Variants in DAG1 observed in about 807,000 individuals in gnomAD.
DAG1 encodes the protein dystroglycan 1 (dystrophin-associated glycoprotein 1).
A neutral mutation model predicts 46.1 loss-of-function variants in DAG1; 8 were observed. The observed-to-expected ratio is 0.17, with a 90% CI of 0.10 to 0.31. DAG1 has a LOEUF of 0.31. Among genes scored for constraint, DAG1 ranks in the 10% least tolerant of loss-of-function variants. The pLI is 1.00. For synonymous variants in DAG1, 495 were observed against 481.8 expected (o/e 1.03, Z -0.36); for missense variants, 1,003 against 1,189.9 (o/e 0.84, Z 2.31).
intron 1 of DAG1, among the ~76,000 whole-genome samples, chr3:49,508,858 C>T (rs1450091012): frequency 6.6e-6 from 1 of 152,200 alleles, no homozygotes; most frequent in African/African-American, 2.4e-5. Context: ...TTCTAAGCCT[C>T]ATTGTTACAG....
At chr3:49,529,645 G>A (rs1407067856) in intron 2 of DAG1, among the ~76,000 whole-genome samples, 1 of 152,226 alleles carries the variant, frequency 6.6e-6, no homozygotes, top group Non-Finnish European at 1.5e-5. Context: ...GATGTACTGT[G>A]TTTTGGCCAA....
At chr3:49,528,879 C>G (rs2051265343) in intron 2 of DAG1, among the ~76,000 whole-genome samples, 1 of 147,430 alleles carries the variant, frequency 6.8e-6, no homozygotes, top group African/African-American at 2.5e-5. Context: ...GAGATGGAGT[C>G]TCACTCTGTC....
At chr3:49,505,383 T>G (rs1485281533) in intron 1 of DAG1, among the ~76,000 whole-genome samples, 1 of 152,182 alleles carries the variant, frequency 6.6e-6, no homozygotes, top group African/African-American at 2.4e-5. Flanking sequence ...ATGCATAGTT[T>G]TCAGCATACA....
At position 49,533,136 on chromosome 3, in the gene DAG1, C is replaced by G; in HGVS notation, c.2625C>G (p.Gly875=). The change falls in exon 3 of 3, where the codon GGC becomes GGG. Residue 875 remains glycine, a synonymous_variant. Transcript: ENST00000308775. The part of the protein sequence containing the change: ...PPPPFTAPME[G]KGSRPKNMTP... ...CGCCCTTCACAGCACCCATGGAGGG[C>G]AAGGGCTCCCGTCCCAAGAACATGA... 6.2e-7 allele frequency: 1 copy of G among 1,614,168 alleles called. No homozygotes were observed. Among genetic ancestry groups the G allele is most frequent in the South Asian group, 1.1e-5 (1 of 91,090 alleles).
chr3:49,506,379 A>T (rs1436981435), intron 1 of DAG1, among the ~76,000 whole-genome samples: 1 of 152,214 alleles, frequency 6.6e-6, no homozygotes, highest in African/African-American at 2.4e-5. Context: ...TTCTGTTCTT[A>T]AGGATAAGTC....
chr3:49,486,646 G>T (rs1315726983), intron 1 of DAG1, among the ~76,000 whole-genome samples: 2 of 152,022 alleles, frequency 1.3e-5, no homozygotes, highest in African/African-American at 2.4e-5. Flanking sequence ...GGGATTACAG[G>T]TGTGCATCAC....
intron 1 of DAG1, among the ~76,000 whole-genome samples, chr3:49,499,516 T>C (rs1290992584): frequency 6.6e-6 from 1 of 152,248 alleles, no homozygotes; most frequent in African/African-American, 2.4e-5. Context: ...TGGTGCCCCA[T>C]GTGCATTTGT....
At chr3:49,522,283 C>A (rs2051051040) in intron 2 of DAG1, among the ~76,000 whole-genome samples, 1 of 151,932 alleles carries the variant, frequency 6.6e-6, no homozygotes, top group South Asian at 2.1e-4. Context: ...CCGCTCACCT[C>A]AGCCTCCCAA....
At chr3:49,501,434 G>T (rs2050447300) in intron 1 of DAG1, among the ~76,000 whole-genome samples, 1 of 152,210 alleles carries the variant, frequency 6.6e-6, no homozygotes, top group Admixed American at 6.5e-5. Context: ...GCACATATTA[G>T]TGATTGCAAC....
At position 49,470,280 on chromosome 3, in the gene DAG1, T is replaced by TGCTCGCGCGAAGGCTGCGGCGCGGC. The variant is rs1225565046; in HGVS notation, c.-261_-237dup. On this transcript the variant is annotated 5_prime_UTR_variant, in exon 1 of 3. Coordinates refer to ENST00000308775, the MANE Select transcript of DAG1 (RefSeq NM_004393.6). The stretch of plus-strand genomic sequence containing the variant: ...CAGCGCCCTCTCACCGCCCGGTACG[T>TGCTCGCGCGAAGGCTGCGGCGCGGC]GCTCGCGCGAAGGCTGCGGCGCGGC... 3.9e-5 allele frequency: 6 copies of TGCTCGCGCGAAGGCTGCGGCGCGGC among 152,000 alleles called. 1 individual carries two copies. The South Asian group carries it at 6.2e-4, about 16-fold the overall frequency. 9.4% of individuals were successfully genotyped at this position (152,000 alleles called of 1,614,324 possible).
chr3:49,473,969 G>A (rs1204444584), intron 1 of DAG1, among the ~76,000 whole-genome samples: 1 of 146,994 alleles, frequency 6.8e-6, no homozygotes, highest in South Asian at 2.2e-4. Flanking sequence ...CTGCAGCCTC[G>A]ACCAGCCTCC....
At position 49,532,426 on chromosome 3, in the gene DAG1, G is replaced by T; in HGVS notation, c.1915G>T (p.Asp639Tyr). 1 of 1,614,226 alleles carries T rather than the reference G, an allele frequency of 6.2e-7. No individual in the cohort carries two copies. Among genetic ancestry groups the T allele is most frequent in the Non-Finnish European group, 8.5e-7 (1 of 1,180,042 alleles). ...AAAGAAACTGGCCTTCGCCTTTGGA[G>T]ACCGAAACTGTAGCACCATCACCCT... ...LVKKLAFAFG[D>Y]RNCSTITLQN... The change falls in exon 3 of 3, where the codon GAC (aspartate) becomes TAC (tyrosine). Residue 639 changes from aspartate (D) to tyrosine (Y), a missense_variant. Transcript: ENST00000308775. This position sits in a 1 kb window ranked among gnomAD's most constrained non-coding sequence, Gnocchi z 5.4.
At chr3:49,474,946 G>A (rs1263231806) in intron 1 of DAG1, among the ~76,000 whole-genome samples, 1 of 151,784 alleles carries the variant, frequency 6.6e-6, no homozygotes, top group Non-Finnish European at 1.5e-5. Flanking sequence ...CGAGTAGCTG[G>A]GACTACAGGC....
At chr3:49,512,982 C>T (rs776364542) in intron 2 of DAG1, among the ~76,000 whole-genome samples, 5 of 152,144 alleles carry the variant, frequency 3.3e-5, no homozygotes, top group Non-Finnish European at 7.4e-5. Flanking sequence ...TCTGTATGAT[C>T]TCTGCATTCA....
intron 1 of DAG1, among the ~76,000 whole-genome samples, chr3:49,486,186 TTTTA>T (rs34143078): frequency 0.037 from 5,347 of 145,148 alleles, 119 homozygotes; most frequent in South Asian, 0.066. Context: ...TTTCTTTTTC[TTTTA>T]TTTATTTATT....
chr3:49,481,815 G>C (rs2049888444), intron 1 of DAG1, among the ~76,000 whole-genome samples: 1 of 152,124 alleles, frequency 6.6e-6, no homozygotes, highest in African/African-American at 2.4e-5. Flanking sequence ...TATGAGGTAT[G>C]AGAATCTACA....
intron 2 of DAG1, among the ~76,000 whole-genome samples, chr3:49,520,405 A>C (rs1166741392): frequency 4.6e-5 from 7 of 152,222 alleles, no homozygotes; most frequent in Non-Finnish European, 1.0e-4. Flanking sequence ...TGACTGCCTC[A>C]TGTGGGAGTG....
intron 1 of DAG1, among the ~76,000 whole-genome samples, chr3:49,500,759 C>T (rs771139270): frequency 1.3e-5 from 2 of 152,120 alleles, no homozygotes; most frequent in Non-Finnish European, 2.9e-5. Context: ...TCTGTGGTTC[C>T]CAAGCACTCT....
intron 2 of DAG1, among the ~76,000 whole-genome samples, chr3:49,530,543 C>T (rs2051310772): frequency 6.6e-6 from 1 of 152,132 alleles, no homozygotes. Context: ...TGCTTGAGTG[C>T]CAGCACTGCT....
Sources: gnomAD v4.1 joint callset for allele counts (sites outside exome capture counted in the v4.1 genomes callset) on GRCh38, gnomAD v4.1.1 for gene constraint, Gnocchi (gnomAD v3.1) non-coding constraint, MANE v1.5 for transcripts, NCBI Gene and HGNC (gene_info 2026-07-23, HGNC 2026-07-21) for gene names.